CLVS1: variants seen among roughly 807,000 people sequenced by gnomAD.
CLVS1 encodes clavesin-1.
CLVS1 carries 10 observed loss-of-function variants against 33.1 expected under a neutral mutation model. That is an observed-to-expected ratio of 0.30 (90% CI 0.19 to 0.51). The LOEUF is 0.51. CLVS1 is among the 20% of genes least tolerant of loss of function. CLVS1 has a pLI of 0.97. For missense variants in CLVS1, 343 were observed against 433.4 expected (o/e 0.79, Z 1.85); for synonymous variants, 163 against 166.1 (o/e 0.98, Z 0.14).
At chr8:61,489,246 A>G (rs2640233) in intron 5 of CLVS1, among the ~76,000 whole-genome samples, 4,410 of 152,338 alleles carry the variant, frequency 0.029, 74 homozygotes, top group African/African-American at 0.056. Flanking sequence ...AAATGGTTCT[A>G]TGAGAACTTC....
At chr8:61,450,229 C>T (rs1264647382) in intron 3 of CLVS1, among the ~76,000 whole-genome samples, 2 of 152,152 alleles carry the variant, frequency 1.3e-5, no homozygotes, top group Non-Finnish European at 2.9e-5. Context: ...TGAGGGTAAA[C>T]TTACCACAAC....
intron 2 of CLVS1, among the ~76,000 whole-genome samples, chr8:61,137,811 T>C (rs1229524414): frequency 6.6e-6 from 1 of 152,214 alleles, no homozygotes; most frequent in Non-Finnish European, 1.5e-5. Flanking sequence ...TGCTTTGCCC[T>C]TTCCAGTCTG....
chr8:61,091,942 C>G (rs1450857092), intron 1 of CLVS1, among the ~76,000 whole-genome samples: 1 of 152,156 alleles, frequency 6.6e-6, no homozygotes, highest in Non-Finnish European at 1.5e-5. Context: ...TGGCAAGACA[C>G]AAGAAAAATG....
intron 1 of CLVS1, among the ~76,000 whole-genome samples, chr8:61,084,955 T>G (rs187633166): frequency 6.6e-6 from 1 of 152,370 alleles, no homozygotes; most frequent in East Asian, 1.9e-4. Flanking sequence ...ATATCTTGTT[T>G]TCACATAATA....
At chr8:61,187,441 A>T (rs952770030) in intron 2 of CLVS1, among the ~76,000 whole-genome samples, 10 of 152,136 alleles carry the variant, frequency 6.6e-5, no homozygotes, top group Non-Finnish European at 1.3e-4. Context: ...AAAAGCCTTC[A>T]AATCAAGTCA....
At chr8:61,253,920 C>T (rs1809011115) in intron 2 of CLVS1, among the ~76,000 whole-genome samples, 4 of 152,194 alleles carry the variant, frequency 2.6e-5, no homozygotes, top group Admixed American at 6.5e-5. Flanking sequence ...TCTCTCAACT[C>T]GTCAAAGTCA....
At chr8:61,386,288 G>A (rs1052113285) in intron 3 of CLVS1, among the ~76,000 whole-genome samples, 7 of 152,196 alleles carry the variant, frequency 4.6e-5, no homozygotes, top group Admixed American at 6.5e-5. Context: ...TGATGCTGTA[G>A]GTGGCTGAAG....
intron 5 of CLVS1, among the ~76,000 whole-genome samples, chr8:61,469,914 G>A (rs1422123304): frequency 6.6e-6 from 1 of 152,168 alleles, no homozygotes; most frequent in East Asian, 1.9e-4. Context: ...GAACTTCTTA[G>A]TTTTGGCGTC....
chr8:61,050,875 T>G, the CLVS1 span, among the ~76,000 whole-genome samples: 7 of 152,180 alleles, frequency 4.6e-5, no homozygotes, highest in Non-Finnish European at 1.0e-4. Flanking sequence ...GAAAAGGCCA[T>G]TTAAGCAAAA....
the CLVS1 span, among the ~76,000 whole-genome samples, chr8:61,002,584 G>A: frequency 5.3e-5 from 8 of 151,740 alleles, no homozygotes; most frequent in Non-Finnish European, 5.9e-5. Flanking sequence ...CACCTGCCTC[G>A]GCCTCCCAAA....
intron 5 of CLVS1, among the ~76,000 whole-genome samples, chr8:61,467,481 T>C (rs904145107): frequency 1.3e-5 from 2 of 152,126 alleles, no homozygotes; most frequent in African/African-American, 4.8e-5. Flanking sequence ...TCTGAACCCA[T>C]CACCATGGCC....
chr8:61,030,159 G>A, the CLVS1 span, among the ~76,000 whole-genome samples: 2 of 152,136 alleles, frequency 1.3e-5, no homozygotes, highest in Non-Finnish European at 2.9e-5. Flanking sequence ...TAAGGCTCTG[G>A]GAATCAGACC....
chr8:61,354,597 A>G (rs999539485), intron 2 of CLVS1, among the ~76,000 whole-genome samples: 12 of 152,154 alleles, frequency 7.9e-5, no homozygotes, highest in African/African-American at 2.9e-4. Flanking sequence ...AGCAACAGGT[A>G]AAATGGCTAA....
At chr8:61,386,833 A>G (rs1814104028) in intron 3 of CLVS1, among the ~76,000 whole-genome samples, 1 of 151,542 alleles carries the variant, frequency 6.6e-6, no homozygotes, top group Admixed American at 6.6e-5. Context: ...TTTCACAAAC[A>G]TTATCTTATT....
At chr8:61,197,192 A>T (rs1203819274) in intron 2 of CLVS1, among the ~76,000 whole-genome samples, 2 of 152,090 alleles carry the variant, frequency 1.3e-5, no homozygotes, top group East Asian at 3.8e-4. Context: ...TTTTTATTTG[A>T]TTTTTGTATA....
intron 2 of CLVS1, among the ~76,000 whole-genome samples, chr8:61,350,785 C>G (rs79326694): frequency 2.6e-5 from 4 of 152,056 alleles, no homozygotes; most frequent in Non-Finnish European, 4.4e-5. Flanking sequence ...GTCACCCGCA[C>G]GGCAGCAGCA....
intron 2 of CLVS1, among the ~76,000 whole-genome samples, chr8:61,351,082 G>A (rs1812437351): frequency 6.6e-6 from 1 of 152,026 alleles, no homozygotes. Context: ...CACTTGCTCA[G>A]GTATGGATTT....
intron 2 of CLVS1, among the ~76,000 whole-genome samples, chr8:61,370,162 G>A (rs754642780): frequency 6.6e-6 from 1 of 151,942 alleles, no homozygotes; most frequent in Non-Finnish European, 1.5e-5. Flanking sequence ...ATGTCAAGAG[G>A]TTTAAAGACA....
intron 2 of CLVS1, among the ~76,000 whole-genome samples, chr8:61,154,031 G>T (rs1167815310): frequency 6.6e-6 from 1 of 152,112 alleles, no homozygotes; most frequent in Non-Finnish European, 1.5e-5. Flanking sequence ...CTATAAATCA[G>T]ACACCACTTT....
Sources: gnomAD v4.1 joint callset for allele counts (sites outside exome capture counted in the v4.1 genomes callset) on GRCh38, gnomAD v4.1.1 for gene constraint, MANE v1.5 for transcripts, NCBI Gene and HGNC (gene_info 2026-07-23, HGNC 2026-07-21) for gene names.